Variants in CCNB3 observed in about 807,000 individuals in gnomAD.
The protein encoded by CCNB3 is cyclin B3.
A neutral mutation model predicts 68.0 loss-of-function variants in CCNB3; 12 were observed. The observed-to-expected ratio is 0.18, with a 90% CI of 0.11 to 0.29. The LOEUF (loss-of-function observed/expected upper bound fraction) is 0.29. Ranked by LOEUF, CCNB3 falls within the 10% of genes least tolerant of loss-of-function variation. The probability of loss-of-function intolerance (pLI) is 1.00; values close to 1 mark genes in which losing one functional copy is unlikely to be tolerated. For missense variants in CCNB3, 904 were observed against 993.1 expected (o/e 0.91, Z 1.21); for synonymous variants, 354 against 388.9 (o/e 0.91, Z 1.06).
chrX:50,223,838 C>T (rs1280144577), intron 1 of CCNB3, among the ~76,000 whole-genome samples: 4 of 111,658 alleles, frequency 3.6e-5, no homozygotes, highest in Non-Finnish European at 5.6e-5. Flanking sequence ...CAGGCAGGAA[C>T]GTTTAAGTCT....
intron 1 of CCNB3, among the ~76,000 whole-genome samples, chrX:50,281,230 G>A (rs2147015623): frequency 9.0e-6 from 1 of 111,617 alleles, no homozygotes; most frequent in East Asian, 2.8e-4. Flanking sequence ...TCGCAGCTGT[G>A]CACGCTGATT....
chrX:50,226,860 A>AG (rs1935843466), intron 1 of CCNB3, among the ~76,000 whole-genome samples: 1,934 of 74,417 alleles, frequency 0.026, 194 homozygotes, highest in African/African-American at 0.11. Context: ...TAGAATATAT[A>AG]TAGAATATAT....
intron 1 of CCNB3, among the ~76,000 whole-genome samples, chrX:50,205,627 C>T (rs1935343588): frequency 8.9e-6 from 1 of 111,908 alleles, no homozygotes; most frequent in Non-Finnish European, 1.9e-5. Context: ...GCACTCCAGC[C>T]TGGGCGACAG....
At chrX:50,279,901 GTA>G (rs1458794667) in intron 1 of CCNB3, among the ~76,000 whole-genome samples, 2 of 82,593 alleles carry the variant, frequency 2.4e-5, no homozygotes, top group South Asian at 5.5e-4. Flanking sequence ...AATATATAGT[GTA>G]TATATATAAA....
chrX:50,305,421 C>T (rs1343556237), intron 5 of CCNB3, among the ~76,000 whole-genome samples: 4 of 111,129 alleles, frequency 3.6e-5, no homozygotes, highest in African/African-American at 6.5e-5. Context: ...AACCAAACAC[C>T]GCATGTTCTC....
intron 5 of CCNB3, among the ~76,000 whole-genome samples, chrX:50,304,024 C>G (rs782011079): frequency 2.7e-5 from 3 of 111,286 alleles, no homozygotes; most frequent in Non-Finnish European, 3.8e-5. Context: ...GTATTAGGAG[C>G]CTTAACTTCA....
Position 50,342,479 on chromosome X carries a change from G to C in CCNB3, c.3654+140G>C. ...ATGATGGACTGCTTATACTATGGTG[G>C]TCCCATAAGAGTATAATGGAGCTGG... On this transcript the variant is annotated intron_variant, in intron 9 of 12. Transcript: ENST00000376042. The C allele has an allele frequency of 9.0e-6, 5 of 554,077 alleles. No homozygotes were observed. The South Asian group carries it at 2.3e-4, about 25-fold the overall frequency. 45.7% of individuals were successfully genotyped at this position (554,077 alleles called of 1,213,427 possible). A position where few individuals can be genotyped will look rare whatever the true frequency, so the allele number is the denominator to read the frequency against.
intron 1 of CCNB3, among the ~76,000 whole-genome samples, chrX:50,280,505 A>T (rs1439162134): frequency 2.8e-5 from 3 of 108,851 alleles, no homozygotes; most frequent in Non-Finnish European, 5.7e-5. Flanking sequence ...AGCAATAAAA[A>T]ATTTTATAGT....
chrX:50,309,343 G>C lies in CCNB3; in HGVS notation c.1174G>C (p.Glu392Gln), dbSNP rs1557214160. ...AATATTGAAGGAGCAGTGCATGACT[G>C]AGGGGAAGAGGTCCCGTCTGAAGCC... is the stretch of plus-strand genomic sequence containing the variant. Reference protein sequence around the residue: ...PVILKEQCMTEGKRSRLKPLV... With the variant: ...PVILKEQCMTQGKRSRLKPLV... Residue 392 changes from glutamate to glutamine, a missense_variant, in exon 6 of 13, where the codon GAG becomes CAG. Glu to Gln is a conservative substitution (Grantham distance 29). Transcript: ENST00000376042. 8.3e-7 allele frequency: 1 copy of C among 1,211,323 alleles called. No individual in the cohort carries two copies. The highest frequency in any genetic ancestry group is 1.1e-6 in the Non-Finnish European group (1 of 895,118).
At chrX:50,280,157 TATAA>T (rs1936102380) in intron 1 of CCNB3, among the ~76,000 whole-genome samples, 2 of 93,522 alleles carry the variant, frequency 2.1e-5, no homozygotes, top group South Asian at 9.0e-4. Context: ...ATAGAATATA[TATAA>T]ATATATATAG....
chrX:50,285,156 T>C lies in CCNB3; in HGVS notation c.-8T>C. Reference sequence around the variant, plus strand: ...GCCTTGGACAAGACGCAGCTGAATCTCTAAGTGATGCTACTGCCACTACCA... The same window carrying C: ...GCCTTGGACAAGACGCAGCTGAATCCCTAAGTGATGCTACTGCCACTACCA... On this transcript the variant is annotated 5_prime_UTR_variant, in exon 3 of 13. Coordinates refer to ENST00000376042, the MANE Select transcript of CCNB3 (RefSeq NM_033031.3). The C allele has an allele frequency of 8.4e-7, 1 of 1,194,547 alleles. No homozygotes were observed. Among genetic ancestry groups the C allele is most frequent in the Non-Finnish European group, 1.1e-6 (1 of 880,044 alleles).
chrX:50,279,435 TATATATATAAATATATAA>T (rs1156985823), intron 1 of CCNB3, among the ~76,000 whole-genome samples: 4,343 of 74,704 alleles, frequency 0.058, 158 homozygotes, highest in Non-Finnish European at 0.084. Context: ...TATATATAAA[TATATATATAAATATATAA>T]ATATATATAA....
At chrX:50,321,647 A>G (rs1269026467) in intron 8 of CCNB3, among the ~76,000 whole-genome samples, 1 of 111,079 alleles carries the variant, frequency 9.0e-6, no homozygotes, top group Non-Finnish European at 1.9e-5. Context: ...TTTATTATAT[A>G]TTATTTGTCT....
chrX:50,279,064 T>C (rs1198942490), intron 1 of CCNB3, among the ~76,000 whole-genome samples: 1 of 58,621 alleles, frequency 1.7e-5, no homozygotes, highest in Non-Finnish European at 2.8e-5. Context: ...ATATAGAATA[T>C]ATTTATAGAA....
At chrX:50,204,571 G>A (rs1935319308), upstream of CCNB3, 1 of 105,520 alleles carries the variant, frequency 9.5e-6, no homozygotes, top group African/African-American at 3.5e-5. Context: ...AGGGTCTGGA[G>A]ATAGAAGAGA....
rs782033312 is a variant in CCNB3 at position 50,347,696 on chromosome X, A to G, written c.3881A>G (p.His1294Arg). 3.1e-5 allele frequency: 38 copies of G among 1,208,296 alleles called. No individual in the cohort carries two copies. The highest frequency in any genetic ancestry group is 3.9e-5 in the Non-Finnish European group (35 of 894,723). The change falls in exon 11 of 13, where the codon CAC becomes CGC. Residue 1294 changes from histidine (H) to arginine (R), a missense_variant. By Grantham distance (29) the His-to-Arg change is conservative. Coordinates refer to ENST00000376042, the MANE Select transcript of CCNB3 (RefSeq NM_033031.3). The part of the protein sequence containing the change: ...YICEMTLQEY[H>R]YVQEKASKLA... ...TGCGAGATGACCCTGCAGGAATACC[A>G]CTATGTCCAGGAGAAGGCTTCCAAG...
intron 1 of CCNB3, among the ~76,000 whole-genome samples, chrX:50,222,440 A>G (rs1935687482): frequency 9.0e-6 from 1 of 110,880 alleles, no homozygotes; most frequent in Non-Finnish European, 1.9e-5. Flanking sequence ...TTCCTTCAGG[A>G]GCTCTTGTAA....
At chrX:50,330,903 G>A (rs1922562699) in intron 8 of CCNB3, among the ~76,000 whole-genome samples, 2 of 112,079 alleles carry the variant, frequency 1.8e-5, no homozygotes, top group Admixed American at 9.4e-5. Context: ...TTGATAGATA[G>A]CATTTCTTAT....
At position 50,310,261 on chromosome X, in the gene CCNB3, G is replaced by C; in HGVS notation, c.2092G>C (p.Glu698Gln). 4.1e-6 allele frequency: 5 copies of C among 1,211,148 alleles called. No individual in the cohort carries two copies. Among genetic ancestry groups the C allele is most frequent in the Non-Finnish European group, 3.4e-6 (3 of 895,118 alleles). The change falls in exon 6 of 13, where the codon GAG becomes CAG. Residue 698 changes from glutamate to glutamine, a missense_variant. Transcript: ENST00000376042. The part of the protein sequence containing the change: ...SLFQEALVLQ[E>Q]KTDAEEDSLK... ...CTTCCAGGAGGCTTTGGTCTTGCAA[G>C]AGAAGACTGATGCCGAAGAGGATTC...
Sources: allele counts gnomAD v4.1 joint callset (sites outside exome capture counted in the v4.1 genomes callset), GRCh38; gene constraint gnomAD v4.1.1; transcripts MANE v1.5; gene names NCBI Gene and HGNC (gene_info 2026-07-23, HGNC 2026-07-21).